SAFB: variants seen among roughly 807,000 people sequenced by gnomAD.
The protein encoded by SAFB is scaffold attachment factor B, also known as scaffold attachment factor B1.
A neutral mutation model predicts 101.6 loss-of-function variants in SAFB; 15 were observed. The ratio of observed to expected loss-of-function variants is 0.15; its 90% CI spans 0.10 to 0.23. The LOEUF (loss-of-function observed/expected upper bound fraction) is 0.23, where lower values mean the gene tolerates loss of function less well. Among genes scored for constraint, SAFB ranks in the 10% least tolerant of loss-of-function variants. SAFB has a pLI of 1.00. For missense variants in SAFB, 930 were observed against 1,104.1 expected, an observed-to-expected ratio of 0.84 and a Z score of 2.23; for synonymous variants, 449 against 407.5, an observed-to-expected ratio of 1.10 and a Z score of -1.23.
intron 2 of SAFB, among the ~76,000 whole-genome samples, chr19:5,627,545 A>C (rs2053393044): frequency 6.6e-6 from 1 of 152,190 alleles, no homozygotes; most frequent in Non-Finnish European, 1.5e-5. Flanking sequence ...TGTCACTTTA[A>C]CATTTCTTTT....
chr19:5,660,342 C>CT (rs11360129), intron 14 of SAFB, among the ~76,000 whole-genome samples: 7,528 of 51,004 alleles, frequency 0.15, 2,416 homozygotes, highest in East Asian at 0.46. Context: ...CTGCACACAC[C>CT]TTTTTTTTTT....
chr19:5,646,221 T>C (rs1160654894), intron 5 of SAFB, among the ~76,000 whole-genome samples: 2 of 152,218 alleles, frequency 1.3e-5, no homozygotes, highest in African/African-American at 4.8e-5. Flanking sequence ...ATCTATGTTA[T>C]TGTAATTAGA....
At chr19:5,657,108 T>C in intron 13 of SAFB, 133 bp from the exon 14 acceptor site, 1 of 627,744 alleles carries the variant, frequency 1.6e-6, no homozygotes, top group Non-Finnish European at 2.8e-6. Context: ...TTTCACCATG[T>C]TGGCCAGGCT....
At chr19:5,659,203 G>A (rs1408488432) in intron 14 of SAFB, among the ~76,000 whole-genome samples, 1 of 151,816 alleles carries the variant, frequency 6.6e-6, no homozygotes, top group Non-Finnish European at 1.5e-5. Flanking sequence ...TACTTGGGAG[G>A]CTGAGGCGGG....
At position 5,642,027 on chromosome 19, in the gene SAFB, G is replaced by GGA. The variant is rs2145430427; in HGVS notation, c.546+82_546+83dup. 4 of 1,158,078 alleles carry GGA rather than the reference G, an allele frequency of 3.5e-6. No individual in the cohort carries two copies. The East Asian group carries it at 9.7e-5, about 28-fold the overall frequency. 71.7% of individuals were successfully genotyped at this position (1,158,078 alleles called of 1,614,324 possible). A position where few individuals can be genotyped will look rare whatever the true frequency, so the allele number is the denominator to read the frequency against. On this transcript the variant is annotated intron_variant, in intron 4 of 20. Coordinates refer to ENST00000588852, the MANE Select transcript of SAFB (RefSeq NM_001201338.2). ...AAAATAGGTGATCAGTTTCATATTG[G>GGA]GAAGTAAGTTGTTCTGTAATGCCAG... is the stretch of plus-strand genomic sequence containing the variant.
chr19:5,665,981 A>G (rs571326941), intron 17 of SAFB: 2 of 152,366 alleles, frequency 1.3e-5, no homozygotes, highest in East Asian at 1.9e-4. Flanking sequence ...GTGGTGGAGC[A>G]TGCCGCCATC....
Position 5,653,386 on chromosome 19 carries a change from G to A in SAFB, c.1492G>A (p.Asp498Asn), listed in dbSNP as rs750596585. ...GAAAACCTCTGACAAAAGAGACAGT[G>A]ACGGGAAAAAGGAGAAGTCGAGCAA... Reference protein sequence around the residue: ...GKKTSDKRDSDGKKEKSSNSD... With the variant: ...GKKTSDKRDSNGKKEKSSNSD... The change falls in exon 11 of 21, where the codon GAC becomes AAC. Residue 498 changes from aspartate (D) to asparagine (N), a missense_variant. By Grantham distance (23) the Asp-to-Asn change is conservative. Transcript: ENST00000588852. 4.3e-6 allele frequency: 7 copies of A among 1,614,182 alleles called. No individual in the cohort carries two copies. The highest frequency in any genetic ancestry group is 1.1e-5 in the South Asian group (1 of 91,066).
In SAFB at chr19:5,651,018, C is replaced by G. The variant is rs752093713; in HGVS notation, c.1239C>G (p.Leu413=). 6.2e-7 allele frequency: 1 copy of G among 1,610,386 alleles called. No homozygotes were observed. ...GTAGAAATTTCTGGGTTAGTGGACT[C>G]TCTTCTACAACCAGAGCTACAGATT... ...SCGRNFWVSG[L]SSTTRATDLK... The change falls in exon 9 of 21, where the codon CTC becomes CTG. Residue 413 remains leucine, a synonymous_variant. Transcript: ENST00000588852.
intron 9 of SAFB, among the ~76,000 whole-genome samples, chr19:5,652,201 A>G (rs928080143): frequency 6.6e-6 from 1 of 152,122 alleles, no homozygotes; most frequent in Non-Finnish European, 1.5e-5. Flanking sequence ...AAAAAAAGAA[A>G]AAAAAAAAGG....
rs1354038906 is a variant in SAFB, at chr19:5,649,240, C to T, written c.889C>T (p.Pro297Ser). 8.6e-6 allele frequency: 3 copies of T among 349,112 alleles called. No individual in the cohort carries two copies. The highest frequency in any genetic ancestry group is 1.4e-5 in the Non-Finnish European group (3 of 209,800). 21.6% of individuals were successfully genotyped at this position (349,112 alleles called of 1,614,324 possible). A position where few individuals can be genotyped will look rare whatever the true frequency, so the allele number is the denominator to read the frequency against. ...DSLLAVVKRE[P>S]AEQPGDGERT... ...CCTGTTAGCGGTAGTGAAAAGGGAG[C>T]CCGCGGAGCAGCCAGGCGATGGCGA... The change falls in exon 7 of 21, where the codon CCC (proline) becomes TCC (serine). Residue 297 changes from proline (P) to serine (S), a missense_variant. Around this residue, in one of 7 missense-constraint regions of SAFB, gnomAD observed 130 missense variants for 114.2 expected, o/e 1.14. Transcript: ENST00000588852.
At chr19:5,656,555 C>T (rs996714196) in intron 13 of SAFB, among the ~76,000 whole-genome samples, 4 of 149,304 alleles carry the variant, frequency 2.7e-5, no homozygotes, top group Non-Finnish European at 4.5e-5. Flanking sequence ...GGATTATAGG[C>T]GTGAGCCACT....
At chr19:5,649,798 T>C in intron 7 of SAFB, 128 bp from the exon 8 acceptor site, 1 of 879,872 alleles carries the variant, frequency 1.1e-6, no homozygotes. Context: ...CAATACAAGT[T>C]TGTCGGGGTA....
rs753148563 is a variant in SAFB, at chr19:5,641,830, G to C, written c.430G>C (p.Val144Leu). ...LDEAEIDNGS[V>L]ADCVEDDDAD... ...TGAAGCAGAAATTGATAATGGAAGC[G>C]TTGCAGATTGTGTCGAAGACGATGA... Residue 144 changes from valine (V) to leucine (L), a missense_variant, in exon 4 of 21, where the codon GTT becomes CTT. Coordinates refer to ENST00000588852, the MANE Select transcript of SAFB (RefSeq NM_001201338.2). The C allele has an allele frequency of 2.7e-5, 43 of 1,613,962 alleles. No individual in the cohort carries two copies. Among genetic ancestry groups the C allele is most frequent in the Non-Finnish European group, 3.6e-5 (42 of 1,179,972 alleles).
chr19:5,649,744 A>AT, intron 7 of SAFB, 182 bp from the exon 8 acceptor site: 1 of 788,990 alleles, frequency 1.3e-6, no homozygotes, highest in South Asian at 1.8e-5. Flanking sequence ...AGCAGAATTA[A>AT]TTAACTCCTG....
In SAFB at chr19:5,638,394, C is replaced by G. The variant is rs548407489; in HGVS notation, c.275-3200C>G. ...AGTGCAGTGGCTCAATCTCATCTCA[C>G]TGCAACCTCTGCCTCCTGGGTTCAA... On this transcript the variant is annotated intron_variant, in intron 2 of 20. Transcript: ENST00000588852. Among the ~76,000 whole-genome samples, 7 of 152,310 alleles carry G rather than the reference C, an allele frequency of 4.6e-5. No homozygotes were observed. In the South Asian group the frequency reaches 1.5e-3, roughly 32 times the overall value.
At chr19:5,666,986 C>T (rs1193217327) in intron 17 of SAFB, 60 bp from the exon 18 acceptor site, 3 of 1,042,334 alleles carry the variant, frequency 2.9e-6, no homozygotes, top group African/African-American at 3.1e-5. Flanking sequence ...CCTGAAAAGC[C>T]TTGGGGTCTG....
intron 14 of SAFB, among the ~76,000 whole-genome samples, chr19:5,657,966 G>C (rs1056766883): frequency 1.3e-5 from 2 of 152,190 alleles, no homozygotes; most frequent in Non-Finnish European, 2.9e-5. Context: ...AAAGCAGGAA[G>C]AGAGACAGTG....
Position 5,633,704 on chromosome 19 carries a change from G to A in SAFB, c.274+7215G>A, listed in dbSNP as rs187796827. ...TGAGGCAGGAGAATGGCGTGAACCC[G>A]GGAGGTGGAGCTTGCAGTGAGCCGA... is the stretch of plus-strand genomic sequence containing the variant. On this transcript the variant is annotated intron_variant, in intron 2 of 20. Coordinates refer to ENST00000588852, the MANE Select transcript of SAFB (RefSeq NM_001201338.2). Among the ~76,000 whole-genome samples the A allele has an allele frequency of 5.6e-3, 845 of 152,050 alleles. 10 individuals carry two copies. Among genetic ancestry groups the A allele is most frequent in the African/African-American group, 0.019 (803 of 41,466 alleles).
Position 5,667,156 on chromosome 19 carries a change from T to G in SAFB, c.2445T>G (p.Pro815=). The G allele has an allele frequency of 6.4e-7, 1 of 1,561,346 alleles. No individual in the cohort carries two copies. Residue 815 remains proline (P), a synonymous_variant, in exon 18 of 21, where the codon CCT becomes CCG. Coordinates refer to ENST00000588852, the MANE Select transcript of SAFB (RefSeq NM_001201338.2). This position sits in a 1 kb window ranked among gnomAD's most constrained non-coding sequence, Gnocchi z 4.0. The part of the protein sequence containing the change: ...KRMSEGRGLP[P]PPRGRRDWGD... ...TGAGCGAGGGCCGGGGGCTGCCTCC[T>G]CCCCCCAGGTTTGTGTCCCACACCC... is the stretch of plus-strand genomic sequence containing the variant.
Sources: gnomAD v4.1 joint callset for allele counts (sites outside exome capture counted in the v4.1 genomes callset) on GRCh38, gnomAD v4.1.1 for gene constraint, gnomAD v4.1.1 regional missense constraint, Gnocchi (gnomAD v3.1) non-coding constraint, MANE v1.5 for transcripts, NCBI Gene and HGNC (gene_info 2026-07-23, HGNC 2026-07-21) for gene names.